Variants in PDGFRA observed in about 807,000 individuals in gnomAD.
PDGFRA encodes platelet-derived growth factor receptor alpha.
A neutral mutation model predicts 121.5 loss-of-function variants in PDGFRA; 25 were observed. The observed-to-expected ratio is 0.21, with a 90% CI of 0.15 to 0.29. PDGFRA has a LOEUF of 0.29. Ranked by LOEUF, PDGFRA falls within the 10% of genes least tolerant of loss-of-function variation. The pLI is 1.00. For missense variants in PDGFRA, 1,008 were observed against 1,345.1 expected, an observed-to-expected ratio of 0.75 and a Z score of 3.92; for synonymous variants, 463 against 494.8, an observed-to-expected ratio of 0.94 and a Z score of 0.85.
intron 1 of PDGFRA, among the ~76,000 whole-genome samples, chr4:54,247,553 A>G (rs1471839794): frequency 1.3e-5 from 2 of 150,962 alleles, no homozygotes; most frequent in Non-Finnish European, 2.9e-5. Flanking sequence ...TAAATTAGGT[A>G]TGTAAATGGG....
chr4:54,248,575 T>C (rs1721837863), intron 1 of PDGFRA, among the ~76,000 whole-genome samples: 1 of 152,156 alleles, frequency 6.6e-6, no homozygotes, highest in Admixed American at 6.5e-5. Context: ...TCAAGATGGA[T>C]TAAAGACTTA....
chr4:54,259,258 G>T (rs1433544306), intron 2 of PDGFRA, among the ~76,000 whole-genome samples: 1 of 152,104 alleles, frequency 6.6e-6, no homozygotes, highest in Non-Finnish European at 1.5e-5. Context: ...GCAGTGCACT[G>T]TGATTATGCC....
intron 1 of PDGFRA, among the ~76,000 whole-genome samples, chr4:54,236,849 A>G (rs1405057293): frequency 6.6e-6 from 1 of 152,178 alleles, no homozygotes; most frequent in Non-Finnish European, 1.5e-5. Flanking sequence ...AAAGTTCACA[A>G]ACAGGCCTGA....
chr4:54,247,370 C>G (rs1721742787), intron 1 of PDGFRA, among the ~76,000 whole-genome samples: 1 of 152,180 alleles, frequency 6.6e-6, no homozygotes, highest in Non-Finnish European at 1.5e-5. Context: ...GCTTATCCAC[C>G]ATGATCAAGT....
chr4:54,237,140 T>C (rs1271973820), intron 1 of PDGFRA, among the ~76,000 whole-genome samples: 1 of 152,090 alleles, frequency 6.6e-6, no homozygotes, highest in Non-Finnish European at 1.5e-5. Context: ...GGCTAATTTT[T>C]TGTATTTTTA....
chr4:54,261,608 G>A (rs1722720197), intron 3 of PDGFRA, among the ~76,000 whole-genome samples, 196 bp downstream of exon 3: 1 of 151,990 alleles, frequency 6.6e-6, no homozygotes, highest in Non-Finnish European at 1.5e-5. Flanking sequence ...GCTGTATTAA[G>A]TTTGGAAAGT....
chr4:54,295,073 G>C lies in PDGFRA; in HGVS notation c.3123-52G>C, dbSNP rs368638837. 3.1e-4 allele frequency: 475 copies of C among 1,538,582 alleles called. 1 individual carries two copies. Among genetic ancestry groups the C allele is most frequent in the Non-Finnish European group, 4.1e-4 (460 of 1,111,054 alleles). ...TTTGTCTCTGGGGGGCCACAGTCTAGGTCTAGTTCTGTGCAGGAGTTGTAA... is the reference window on the plus strand; with the variant it reads ...TTTGTCTCTGGGGGGCCACAGTCTACGTCTAGTTCTGTGCAGGAGTTGTAA... On this transcript the variant is annotated intron_variant, in intron 22 of 22. Coordinates refer to ENST00000257290, the MANE Select transcript of PDGFRA (RefSeq NM_006206.6).
chr4:54,270,499 A>T (rs578155995), intron 7 of PDGFRA, 134 bp from the exon 8 acceptor site: 38 of 647,694 alleles, frequency 5.9e-5, no homozygotes, highest in African/African-American at 5.2e-4. Context: ...TCCAGAAGAG[A>T]TGATATGGAC....
intron 1 of PDGFRA, among the ~76,000 whole-genome samples, chr4:54,248,673 T>C (rs1188190619): frequency 6.6e-6 from 1 of 152,168 alleles, no homozygotes; most frequent in African/African-American, 2.4e-5. Flanking sequence ...ACTTCATGTC[T>C]AAAACACCAA....
At chr4:54,244,922 C>T (rs920000683) in intron 1 of PDGFRA, among the ~76,000 whole-genome samples, 1 of 152,092 alleles carries the variant, frequency 6.6e-6, no homozygotes, top group Non-Finnish European at 1.5e-5. Context: ...ATGAAGAATG[C>T]AGAAGCCTTA....
At position 54,264,901 on chromosome 4, in the gene PDGFRA, A is replaced by G. The variant is rs762836700; in HGVS notation, c.629-18A>G. The G allele has an allele frequency of 6.3e-6, 10 of 1,597,106 alleles. No individual in the cohort carries two copies. The highest frequency in any genetic ancestry group is 8.6e-6 in the Non-Finnish European group (10 of 1,167,228). On this transcript the variant is annotated intron_variant, in intron 4 of 22. Transcript: ENST00000257290. Reference sequence around the variant, plus strand: ...ATCCTGTGGATTTTTAGGCCCTTGTATTTGTTCTTTTTTATAGCAACATCA... The same window carrying G: ...ATCCTGTGGATTTTTAGGCCCTTGTGTTTGTTCTTTTTTATAGCAACATCA...
intron 15 of PDGFRA, among the ~76,000 whole-genome samples, chr4:54,279,616 C>A (rs1422831389): frequency 6.6e-6 from 1 of 151,610 alleles, no homozygotes; most frequent in African/African-American, 2.4e-5. Flanking sequence ...TGAGTAAATT[C>A]TTCAGTGGTG....
At chr4:54,255,978 A>T (rs1009049096) in intron 1 of PDGFRA, among the ~76,000 whole-genome samples, 2 of 152,172 alleles carry the variant, frequency 1.3e-5, no homozygotes, top group African/African-American at 4.8e-5. Flanking sequence ...TTCATCTTGA[A>T]TATGGGCTAG....
At chr4:54,241,712 G>A (rs185771031) in intron 1 of PDGFRA, among the ~76,000 whole-genome samples, 23 of 151,814 alleles carry the variant, frequency 1.5e-4, no homozygotes, top group African/African-American at 5.6e-4. Flanking sequence ...ACCACACCTG[G>A]CTAATTTTGT....
chr4:54,253,794 C>T lies in PDGFRA; in HGVS notation c.-12-4963C>T, dbSNP rs540241746. ...CTGCCTCCTGGGTTCAAGTGATTCT[C>T]ATGCCTCAGCCTTTCCAGTAGCTGG... On this transcript the variant is annotated intron_variant, in intron 1 of 22. Coordinates refer to ENST00000257290, the MANE Select transcript of PDGFRA (RefSeq NM_006206.6). 1.0e-3 allele frequency among the ~76,000 whole-genome samples: 156 copies of T among 152,236 alleles called. 2 individuals are homozygous for T. The highest frequency in any genetic ancestry group is 1.7e-3 in the Non-Finnish European group (116 of 68,020).
intron 7 of PDGFRA, among the ~76,000 whole-genome samples, chr4:54,270,035 T>A (rs1019829074): frequency 6.6e-6 from 1 of 152,120 alleles, no homozygotes; most frequent in African/African-American, 2.4e-5. Context: ...GAAGCCTCAC[T>A]GTACTCCTGT....
intron 1 of PDGFRA, among the ~76,000 whole-genome samples, chr4:54,237,425 A>C (rs1385652192): frequency 6.6e-6 from 1 of 152,214 alleles, no homozygotes; most frequent in East Asian, 1.9e-4. Flanking sequence ...TAAGCTGGAG[A>C]AAGCTTTAAA....
In PDGFRA at chr4:54,236,370, T is replaced by A. The variant is rs545316347; in HGVS notation, c.-13+6955T>A. On this transcript the variant is annotated intron_variant, in intron 1 of 22. Coordinates refer to ENST00000257290, the MANE Select transcript of PDGFRA (RefSeq NM_006206.6). The stretch of plus-strand genomic sequence containing the variant: ...AAGTGGCAGGAACAGCAAGACTCAC[T>A]CCCAGAGAGCCTCACTACAGGTCTA... 5.4e-4 allele frequency among the ~76,000 whole-genome samples: 82 copies of A among 152,310 alleles called. 1 individual carries two copies. The Middle Eastern group carries it at 0.024, about 44-fold the overall frequency.
chr4:54,249,518 G>C (rs996092170), intron 1 of PDGFRA, among the ~76,000 whole-genome samples: 1 of 152,046 alleles, frequency 6.6e-6, no homozygotes, highest in African/African-American at 2.4e-5. Context: ...ATCATTCTCA[G>C]TAAACTATCG....
Sources: allele counts gnomAD v4.1 joint callset (sites outside exome capture counted in the v4.1 genomes callset), GRCh38; gene constraint gnomAD v4.1.1; transcripts MANE v1.5; gene names NCBI Gene and HGNC (gene_info 2026-07-23, HGNC 2026-07-21).